Variants in PHLDB2 observed in about 807,000 individuals in gnomAD.
PHLDB2 encodes pleckstrin homology-like domain family B member 2.
In PHLDB2, 71 loss-of-function variants were observed where a neutral mutation model predicts 123.6. The ratio of observed to expected loss-of-function variants is 0.57; its 90% CI spans 0.47 to 0.70. The LOEUF (loss-of-function observed/expected upper bound fraction) is 0.70, where lower values mean the gene tolerates loss of function less well. Among genes scored for constraint, PHLDB2 ranks in the 30% least tolerant of loss-of-function variants. The pLI is 0.00. For missense variants in PHLDB2, 1,446 were observed against 1,519.5 expected (o/e 0.95, Z 0.80); for synonymous variants, 547 against 541.6 (o/e 1.01, Z -0.14).
At chr3:111,784,977 T>C (rs2060623843) in intron 1 of PHLDB2, among the ~76,000 whole-genome samples, 1 of 152,216 alleles carries the variant, frequency 6.6e-6, no homozygotes, top group African/African-American at 2.4e-5. Flanking sequence ...GGAAAAGTGA[T>C]ATTTTTGAGA....
intron 1 of PHLDB2, among the ~76,000 whole-genome samples, chr3:111,788,777 G>A (rs1055174362): frequency 3.3e-5 from 5 of 152,016 alleles, no homozygotes; most frequent in Non-Finnish European, 4.4e-5. Flanking sequence ...ATCAGCTATC[G>A]TTAGTGTTAG....
In PHLDB2 at chr3:111,920,316, A is replaced by G. The variant is rs775898537; in HGVS notation, c.1898A>G (p.Gln633Arg). The G allele has an allele frequency of 3.1e-6, 5 of 1,614,056 alleles. No homozygotes were observed. The highest frequency in any genetic ancestry group is 2.5e-6 in the Non-Finnish European group (3 of 1,179,946). Residue 633 changes from glutamine to arginine, a missense_variant, in exon 5 of 18, where the codon CAG becomes CGG. Around this residue, in one of 3 missense-constraint regions of PHLDB2, gnomAD observed 832 missense variants for 831.9 expected, o/e 1.00. Transcript: ENST00000431670. ...DMECALLDGE[Q>R]KSETTELMKE... ...GAATGTGCTCTTTTGGATGGAGAAC[A>G]GAAATCTGAAACAACTGAACTTATG...
intron 1 of PHLDB2, among the ~76,000 whole-genome samples, chr3:111,809,115 C>T (rs2061722018): frequency 6.6e-6 from 1 of 152,180 alleles, no homozygotes. Flanking sequence ...ACATAGTACT[C>T]ACAAAACCTT....
intron 12 of PHLDB2, among the ~76,000 whole-genome samples, chr3:111,959,984 A>G (rs924153509): frequency 6.6e-6 from 1 of 152,250 alleles, no homozygotes; most frequent in Non-Finnish European, 1.5e-5. Flanking sequence ...TTTTCATACT[A>G]CAAGGAAATA....
intron 2 of PHLDB2, among the ~76,000 whole-genome samples, chr3:111,908,869 TG>T (rs869120454): frequency 7.5e-6 from 1 of 133,838 alleles, no homozygotes. Context: ...TCTGCATACC[TG>T]CTGTCAGCAC....
At chr3:111,855,554 T>C (rs576746248), upstream of PHLDB2, among the ~76,000 whole-genome samples, 3 of 150,400 alleles carry the variant, frequency 2.0e-5, no homozygotes, top group South Asian at 6.3e-4. Context: ...TAAAAGAAAG[T>C]CTGGTAATAT....
chr3:111,857,475 G>GAAAAGA (rs1553741309), upstream of PHLDB2, among the ~76,000 whole-genome samples: 1 of 42,254 alleles, frequency 2.4e-5, no homozygotes, highest in East Asian at 1.1e-3. Flanking sequence ...GAAAAGAAAA[G>GAAAAGA]AAAAAAAAAT....
chr3:111,881,733 T>A (rs2065935303), intron 1 of PHLDB2, among the ~76,000 whole-genome samples: 1 of 151,986 alleles, frequency 6.6e-6, no homozygotes, highest in East Asian at 1.9e-4. Flanking sequence ...AATAGACTAG[T>A]AGCCACAAAT....
chr3:111,940,156 A>C (rs1195513069), intron 7 of PHLDB2, among the ~76,000 whole-genome samples: 1 of 151,142 alleles, frequency 6.6e-6, no homozygotes, highest in Admixed American at 6.6e-5. Flanking sequence ...AATTGAGGAA[A>C]GGAAAGACAA....
intron 1 of PHLDB2, among the ~76,000 whole-genome samples, chr3:111,760,924 C>A (rs1042743148): frequency 2.3e-4 from 35 of 152,214 alleles, no homozygotes; most frequent in African/African-American, 6.0e-4. Context: ...TGGTGGCTCA[C>A]GCCTGTAATC....
intron 2 of PHLDB2, among the ~76,000 whole-genome samples, chr3:111,911,293 G>A (rs2067866076): frequency 6.6e-6 from 1 of 152,192 alleles, no homozygotes; most frequent in Non-Finnish European, 1.5e-5. Context: ...ACAAAGATTA[G>A]GAAAGACTTG....
Position 111,884,988 on chromosome 3 carries a change from TTTC to T in PHLDB2, c.917_919del (p.Ser306del). 6.2e-7 allele frequency: 1 copy of T among 1,614,076 alleles called. No individual in the cohort carries two copies. The highest frequency in any genetic ancestry group is 1.1e-5 in the South Asian group (1 of 91,074). On this transcript the variant is annotated inframe_deletion, in exon 2 of 18. Transcript: ENST00000431670. ...ATAGACAATGACAATTACCTTAATT[TTTC>T]TTCTTTGAGCTCAGGGGCTTTACCC... is the stretch of plus-strand genomic sequence containing the variant.
intron 1 of PHLDB2, among the ~76,000 whole-genome samples, chr3:111,812,757 G>T (rs188542897): frequency 6.6e-6 from 1 of 152,272 alleles, no homozygotes; most frequent in African/African-American, 2.4e-5. Context: ...GAAAGTTAAT[G>T]AATATAGCTT....
chr3:111,885,388 CAG>C lies in PHLDB2; in HGVS notation c.1312_1313del (p.Arg438GlyfsTer21). 1 of 1,614,136 alleles carries C rather than the reference CAG, an allele frequency of 6.2e-7. No individual in the cohort carries two copies. Among genetic ancestry groups the C allele is most frequent in the South Asian group, 1.1e-5 (1 of 91,082 alleles). On this transcript the variant is annotated frameshift_variant, in exon 2 of 18. Transcript: ENST00000431670. LOFTEE classifies it high-confidence loss of function. The stretch of plus-strand genomic sequence containing the variant: ...ACCGGCGGCAGAGGGAGGAAAGACT[CAG>C]GGAGCAGGAAATGGAGCGATTGGTA... Reference protein sequence around the residue: ...YHRRQREERLREQEMERLERQ... With the variant: ...YHRRQREERLXEQEMERLERQ...
At position 111,969,713 on chromosome 3, in the gene PHLDB2, G is replaced by A. The variant is rs1391051214; in HGVS notation, c.3339G>A (p.Leu1113=). The change falls in exon 16 of 18, where the codon CTG becomes CTA. Residue 1113 remains leucine, a synonymous_variant. Coordinates refer to ENST00000431670, the MANE Select transcript of PHLDB2 (RefSeq NM_001134438.2). ...RAQARPLTRY[L]PVRKEDFDLR... ...AGGCTCGTCCTTTGACACGCTACCT[G>A]CCTGTCCGGAAGGAAGACTTTGATT... 1 of 1,613,926 alleles carries A rather than the reference G, an allele frequency of 6.2e-7. No homozygotes were observed. The highest frequency in any genetic ancestry group is 1.7e-5 in the Admixed American group (1 of 60,000).
chr3:111,970,380 G>C (rs2072088635), intron 16 of PHLDB2, among the ~76,000 whole-genome samples: 3 of 152,116 alleles, frequency 2.0e-5, no homozygotes, highest in Admixed American at 2.0e-4. Flanking sequence ...AGAAAAAAAA[G>C]GGGGTGGGGA....
At chr3:111,950,941 C>A (rs2070675107) in intron 10 of PHLDB2, among the ~76,000 whole-genome samples, 2 of 152,186 alleles carry the variant, frequency 1.3e-5, no homozygotes, top group Non-Finnish European at 2.9e-5. Flanking sequence ...TTAACAACTT[C>A]ATTCAAGAAA....
intron 1 of PHLDB2, among the ~76,000 whole-genome samples, chr3:111,753,215 A>C (rs2059815545): frequency 6.8e-6 from 1 of 146,986 alleles, no homozygotes; most frequent in Admixed American, 6.8e-5. Flanking sequence ...ATCCCTGAGG[A>C]ATCGCCACAC....
intron 2 of PHLDB2, among the ~76,000 whole-genome samples, chr3:111,911,193 A>C (rs892863311): frequency 1.8e-4 from 27 of 152,234 alleles, no homozygotes; most frequent in African/African-American, 6.0e-4. Context: ...GCTTTTGAAC[A>C]CCACACCTTA....
Sources: gnomAD v4.1 joint callset for allele counts (sites outside exome capture counted in the v4.1 genomes callset) on GRCh38, gnomAD v4.1.1 for gene constraint, gnomAD v4.1.1 regional missense constraint, MANE v1.5 for transcripts, NCBI Gene and HGNC (gene_info 2026-07-23, HGNC 2026-07-21) for gene names.